KCND3: variants seen among roughly 807,000 people sequenced by gnomAD.
The protein encoded by KCND3 is potassium voltage-gated channel subfamily D member 3.
A neutral mutation model predicts 51.1 loss-of-function variants in KCND3; 9 were observed. The ratio of observed to expected loss-of-function variants is 0.18; its 90% CI spans 0.11 to 0.31. KCND3 has a LOEUF of 0.31. Ranked by LOEUF, KCND3 falls within the 10% of genes least tolerant of loss-of-function variation. The pLI, the probability that KCND3 is intolerant of heterozygous loss-of-function variation, is 1.00. For missense variants in KCND3, 526 were observed against 903.8 expected (o/e 0.58, Z 5.36); for synonymous variants, 349 against 368.0 (o/e 0.95, Z 0.59).
At chr1:111,799,473 T>G (rs1027088169) in intron 2 of KCND3, among the ~76,000 whole-genome samples, 1 of 152,212 alleles carries the variant, frequency 6.6e-6, no homozygotes, top group Non-Finnish European at 1.5e-5. Flanking sequence ...TATAATGCCT[T>G]AAACCAACTG....
intron 2 of KCND3, among the ~76,000 whole-genome samples, chr1:111,839,823 C>T (rs1310655194): frequency 1.3e-5 from 2 of 152,254 alleles, no homozygotes; most frequent in Non-Finnish European, 2.9e-5. Flanking sequence ...AGGTCTGATT[C>T]TGAATCCTTA....
chr1:111,920,629 T>C (rs1198382018), intron 2 of KCND3, among the ~76,000 whole-genome samples: 1 of 152,196 alleles, frequency 6.6e-6, no homozygotes, highest in Non-Finnish European at 1.5e-5. Flanking sequence ...CCAGGGCTGG[T>C]GCACTCTGCT....
chr1:111,981,004 G>T lies in KCND3; in HGVS notation c.1106+617C>A, dbSNP rs1445945207. Among the ~76,000 whole-genome samples, 1 of 152,196 alleles carries T rather than the reference G, an allele frequency of 6.6e-6. No individual in the cohort carries two copies. The highest frequency in any genetic ancestry group is 1.9e-4 in the East Asian group (1 of 5,192). On this transcript the variant is annotated intron_variant, in intron 2 of 7. Coordinates refer to ENST00000302127, the MANE Select transcript of KCND3 (RefSeq NM_001378969.1). The surrounding 1 kb of genome is among the most constrained non-coding windows in gnomAD (Gnocchi z 6.2). ...AGACTGATACTGCTTTAGAAAGAAAGAATAAACCACGTGCCTTACTGCGAA... is the reference window on the plus strand; with the variant it reads ...AGACTGATACTGCTTTAGAAAGAAATAATAAACCACGTGCCTTACTGCGAA...
chr1:111,791,166 A>T (rs769652347), intron 2 of KCND3, among the ~76,000 whole-genome samples: 3 of 152,268 alleles, frequency 2.0e-5, no homozygotes, highest in Non-Finnish European at 4.4e-5. Flanking sequence ...CCAGCAATGA[A>T]TGAGGGGTCC....
intron 2 of KCND3, among the ~76,000 whole-genome samples, chr1:111,915,635 C>T (rs1305543584): frequency 1.3e-5 from 2 of 151,638 alleles, no homozygotes; most frequent in Admixed American, 1.3e-4. Flanking sequence ...CGCCTGTAGT[C>T]CCAGCTACTC....
At chr1:111,844,269 A>G (rs1667454245) in intron 2 of KCND3, among the ~76,000 whole-genome samples, 1 of 152,234 alleles carries the variant, frequency 6.6e-6, no homozygotes, top group South Asian at 2.1e-4. Flanking sequence ...CCAGGACAGA[A>G]GCTCACTTTT....
At chr1:111,975,388 G>C (rs1571929658) in intron 2 of KCND3, among the ~76,000 whole-genome samples, 1 of 152,162 alleles carries the variant, frequency 6.6e-6, no homozygotes, top group Non-Finnish European at 1.5e-5. Flanking sequence ...CCAGTCCCCT[G>C]TTGTGGGAGC....
In KCND3 at chr1:111,981,484, A is replaced by G; in HGVS notation, c.1106+137T>C. ...CTCATGGGCTTTACCCTTCGGATAG[A>G]GCAACTTCCCCTGCCCCCAACACTT... On this transcript the variant is annotated intron_variant, in intron 2 of 7. Transcript: ENST00000302127. The surrounding 1 kb of genome is among the most constrained non-coding windows in gnomAD (Gnocchi z 6.2). 7.8e-7 allele frequency: 1 copy of G among 1,283,468 alleles called. No homozygotes were observed. Among genetic ancestry groups the G allele is most frequent in the Non-Finnish European group, 1.1e-6 (1 of 898,750 alleles). The allele number at this position is 1,283,468 out of a possible 1,614,324, so 79.5% of individuals were successfully genotyped here. A position where few individuals can be genotyped will look rare whatever the true frequency, so the allele number is the denominator to read the frequency against.
At chr1:111,867,937 G>A (rs1018136892) in intron 2 of KCND3, among the ~76,000 whole-genome samples, 1 of 152,158 alleles carries the variant, frequency 6.6e-6, no homozygotes, top group Non-Finnish European at 1.5e-5. Flanking sequence ...GGAGGAAGTC[G>A]CTCTAAGCCA....
chr1:111,783,767 G>C (rs1383294992), intron 3 of KCND3, among the ~76,000 whole-genome samples: 1 of 152,038 alleles, frequency 6.6e-6, no homozygotes, highest in Non-Finnish European at 1.5e-5. Context: ...AATCATCCCT[G>C]GTGTTTCTCA....
intron 1 of KCND3, among the ~76,000 whole-genome samples, 62 bp downstream of exon 1, chr1:111,989,443 G>C (rs1157310788): frequency 6.6e-6 from 1 of 152,080 alleles, no homozygotes; most frequent in African/African-American, 2.4e-5. Context: ...CGGAGCAACA[G>C]GCGTGGGAGC....
chr1:111,810,547 T>C (rs1425397797), intron 2 of KCND3, among the ~76,000 whole-genome samples: 1 of 152,356 alleles, frequency 6.6e-6, no homozygotes, highest in East Asian at 1.9e-4. Context: ...TGAGAACTAT[T>C]CCTTCTCTTC....
intron 2 of KCND3, among the ~76,000 whole-genome samples, chr1:111,919,740 G>A (rs1271591518): frequency 6.6e-6 from 1 of 152,168 alleles, no homozygotes; most frequent in East Asian, 1.9e-4. Flanking sequence ...TCAAACCCGT[G>A]CTGGAGTCCC....
chr1:111,884,715 C>T (rs140270417), intron 2 of KCND3, among the ~76,000 whole-genome samples: 135 of 152,124 alleles, frequency 8.9e-4, no homozygotes, highest in Middle Eastern at 3.4e-3. Context: ...TTTTCCCTTG[C>T]CAAAAAAGAA....
At chr1:111,983,982 T>C (rs750885299) in intron 1 of KCND3, among the ~76,000 whole-genome samples, 1 of 152,178 alleles carries the variant, frequency 6.6e-6, no homozygotes, top group African/African-American at 2.4e-5. Flanking sequence ...TGGGAAGGCA[T>C]GTGGTGACAC....
At chr1:111,890,214 A>G (rs1669766521) in intron 2 of KCND3, among the ~76,000 whole-genome samples, 1 of 152,220 alleles carries the variant, frequency 6.6e-6, no homozygotes, top group Non-Finnish European at 1.5e-5. Context: ...AGGAGTCAGG[A>G]ATGCAAGTGA....
At chr1:111,948,678 C>T (rs1333410205) in intron 2 of KCND3, among the ~76,000 whole-genome samples, 3 of 152,128 alleles carry the variant, frequency 2.0e-5, no homozygotes, top group Non-Finnish European at 2.9e-5. Context: ...TGCAAGCAGA[C>T]CTGCTGCTCC....
chr1:111,819,261 G>A (rs1172432827), intron 2 of KCND3, among the ~76,000 whole-genome samples: 1 of 152,078 alleles, frequency 6.6e-6, no homozygotes, highest in African/African-American at 2.4e-5. Flanking sequence ...TTGCATTTGT[G>A]TGCTTGGATT....
intron 2 of KCND3, among the ~76,000 whole-genome samples, chr1:111,901,430 A>T (rs115867644): frequency 4.3e-4 from 65 of 152,264 alleles, no homozygotes; most frequent in Non-Finnish European, 7.8e-4. Flanking sequence ...GGAGCCAGAG[A>T]CTCAGCCTGC....
Sources: gnomAD v4.1 joint callset for allele counts (sites outside exome capture counted in the v4.1 genomes callset) on GRCh38, gnomAD v4.1.1 for gene constraint, Gnocchi (gnomAD v3.1) non-coding constraint, MANE v1.5 for transcripts, NCBI Gene and HGNC (gene_info 2026-07-23, HGNC 2026-07-21) for gene names.